Variants in DENND2A observed in about 807,000 individuals in gnomAD.
DENND2A encodes the protein DENN domain-containing protein 2A.
In DENND2A, 53 loss-of-function variants were observed where a neutral mutation model predicts 105.3. The ratio of observed to expected loss-of-function variants is 0.50; its 90% CI spans 0.40 to 0.63. DENND2A has a LOEUF of 0.63. Ranked by LOEUF, DENND2A falls within the 30% of genes least tolerant of loss-of-function variation. DENND2A has a pLI of 0.00. For missense variants in DENND2A, 1,138 were observed against 1,279.6 expected (o/e 0.89, Z 1.69); for synonymous variants, 522 against 508.4 (o/e 1.03, Z -0.36).
At chr7:140,540,794 C>T (rs1423246940) in intron 14 of DENND2A, among the ~76,000 whole-genome samples, 1 of 152,030 alleles carries the variant, frequency 6.6e-6, no homozygotes, top group Non-Finnish European at 1.5e-5. Context: ...CTCGGCTCTC[C>T]ACAACCTCTG....
At chr7:140,606,465 G>A (rs1799690620) in intron 1 of DENND2A, among the ~76,000 whole-genome samples, 1 of 152,172 alleles carries the variant, frequency 6.6e-6, no homozygotes, top group South Asian at 2.1e-4. Context: ...CCACTGTGAT[G>A]AGCTAATAGT....
intron 1 of DENND2A, among the ~76,000 whole-genome samples, chr7:140,611,014 G>T (rs763786191): frequency 2.6e-5 from 4 of 152,168 alleles, no homozygotes; most frequent in Admixed American, 2.0e-4. Context: ...CTGGCCTCTC[G>T]GACCGCTGCT....
intron 6 of DENND2A, among the ~76,000 whole-genome samples, chr7:140,572,352 T>C (rs1283922242): frequency 6.6e-6 from 1 of 151,944 alleles, no homozygotes; most frequent in African/African-American, 2.4e-5. Flanking sequence ...GAGAAGTCCC[T>C]TGAAAGCTAC....
chr7:140,619,982 C>A (rs970554785), intron 1 of DENND2A, among the ~76,000 whole-genome samples: 9 of 151,796 alleles, frequency 5.9e-5, no homozygotes, highest in Non-Finnish European at 1.3e-4. Context: ...CACCTGAGGT[C>A]AGGAGTTCAA....
intron 4 of DENND2A, 35 bp downstream of exon 4, chr7:140,587,618 A>G (rs138274867): frequency 6.2e-7 from 1 of 1,611,862 alleles, no homozygotes; most frequent in Non-Finnish European, 8.5e-7. Context: ...TCCCAGACAG[A>G]CTCAGATCCG....
chr7:140,571,791 G>A (rs569606975), intron 6 of DENND2A, among the ~76,000 whole-genome samples: 6 of 152,194 alleles, frequency 3.9e-5, no homozygotes, highest in African/African-American at 9.6e-5. Context: ...CACAAAGGAC[G>A]ATTCTGTGTG....
At chr7:140,538,114 AT>A (rs1355865369) in intron 14 of DENND2A, among the ~76,000 whole-genome samples, 4 of 152,168 alleles carry the variant, frequency 2.6e-5, no homozygotes, top group Non-Finnish European at 4.4e-5. Flanking sequence ...AACTTGATAG[AT>A]TTTTGGCTCA....
chr7:140,557,437 G>A (rs1427583160), intron 11 of DENND2A, among the ~76,000 whole-genome samples: 1 of 142,620 alleles, frequency 7.0e-6, no homozygotes, highest in African/African-American at 2.6e-5. Flanking sequence ...TGATGGAAAC[G>A]GACATTCCCA....
intron 1 of DENND2A, among the ~76,000 whole-genome samples, chr7:140,634,477 A>G (rs1380723802): frequency 6.6e-6 from 1 of 152,222 alleles, no homozygotes; most frequent in African/African-American, 2.4e-5. Context: ...TTTCTATTTA[A>G]TATGAACATT....
chr7:140,525,844 G>C, intron 15 of DENND2A, 52 bp from the exon 16 acceptor site: 1 of 1,496,588 alleles, frequency 6.7e-7, no homozygotes, highest in Non-Finnish European at 9.1e-7. Flanking sequence ...TTCTGGGATA[G>C]GGATGGACTC....
intron 12 of DENND2A, among the ~76,000 whole-genome samples, 173 bp downstream of exon 12, chr7:140,555,463 C>A (rs1376060340): frequency 6.6e-6 from 1 of 152,050 alleles, no homozygotes; most frequent in African/African-American, 2.4e-5. Flanking sequence ...CTCTCATTTC[C>A]TGAACCAATG....
chr7:140,554,525 A>C (rs192386109), intron 12 of DENND2A, among the ~76,000 whole-genome samples: 68 of 152,070 alleles, frequency 4.5e-4, no homozygotes, highest in African/African-American at 1.6e-3. Flanking sequence ...AATGCCAGCT[A>C]CTCAGGAGGC....
chr7:140,610,120 C>A (rs755228640), intron 1 of DENND2A, among the ~76,000 whole-genome samples: 5 of 143,096 alleles, frequency 3.5e-5, no homozygotes, highest in African/African-American at 5.8e-5. Flanking sequence ...CATGCACCAC[C>A]ACATGTGGCT....
At position 140,587,775 on chromosome 7, in the gene DENND2A, G is replaced by A. The variant is rs2130650712; in HGVS notation, c.1001C>T (p.Ser334Phe). ...CTGCAGTAAATCTTCAAACTCATAG[G>A]ACTTTCTGGAATGTGCCAGATGGGA... ...RQKSSADHRKSYEFEDLLQSS... is the reference protein window; with the variant it reads ...RQKSSADHRKFYEFEDLLQSS... Residue 334 changes from serine (S) to phenylalanine (F), a missense_variant, in exon 4 of 20, where the codon TCC becomes TTC. Transcript: ENST00000496613. 2 of 1,583,136 alleles carry A rather than the reference G, an allele frequency of 1.3e-6. No individual in the cohort carries two copies. Among genetic ancestry groups the A allele is most frequent in the East Asian group, 4.6e-5 (2 of 43,376 alleles).
chr7:140,631,834 T>C (rs979553083), intron 1 of DENND2A, among the ~76,000 whole-genome samples: 2 of 152,160 alleles, frequency 1.3e-5, no homozygotes, highest in African/African-American at 4.8e-5. Flanking sequence ...GACATTGCCC[T>C]GGCTGAAGAT....
chr7:140,529,717 C>T (rs1215295771), intron 14 of DENND2A, among the ~76,000 whole-genome samples: 2 of 151,826 alleles, frequency 1.3e-5, no homozygotes, highest in Non-Finnish European at 2.9e-5. Context: ...ACCACATGTT[C>T]TCACTCATAG....
At chr7:140,547,378 A>T (rs1796950478) in intron 12 of DENND2A, among the ~76,000 whole-genome samples, 1 of 152,222 alleles carries the variant, frequency 6.6e-6, no homozygotes, top group South Asian at 2.1e-4. Flanking sequence ...ATGAAATGAA[A>T]ATGTCATGGG....
chr7:140,532,909 T>G (rs1375690951), intron 14 of DENND2A, among the ~76,000 whole-genome samples: 1 of 143,984 alleles, frequency 6.9e-6, no homozygotes, highest in East Asian at 2.0e-4. Context: ...CTATGTGTGT[T>G]TTTTTTCCCA....
chr7:140,570,549 A>T (rs1297164707), intron 6 of DENND2A, among the ~76,000 whole-genome samples: 3 of 152,202 alleles, frequency 2.0e-5, no homozygotes, highest in African/African-American at 7.2e-5. Context: ...GCTTGGGACT[A>T]CGGGGAGTGG....
Sources: gnomAD v4.1 joint callset for allele counts (sites outside exome capture counted in the v4.1 genomes callset) on GRCh38, gnomAD v4.1.1 for gene constraint, MANE v1.5 for transcripts, NCBI Gene and HGNC (gene_info 2026-07-23, HGNC 2026-07-21) for gene names.